BRD7: variants seen among roughly 807,000 people sequenced by gnomAD.
BRD7 encodes the protein bromodomain containing 7.
Under a neutral mutation model 82.1 loss-of-function variants are expected in BRD7, and 15 were observed. The observed-to-expected ratio is 0.18, with a 90% CI of 0.12 to 0.28. The LOEUF (loss-of-function observed/expected upper bound fraction) is 0.28. BRD7 is among the 10% of genes least tolerant of loss of function. The probability of loss-of-function intolerance (pLI) is 1.00; values close to 1 mark genes in which losing one functional copy is unlikely to be tolerated. For missense variants in BRD7, 638 were observed against 779.9 expected (o/e 0.82, Z 2.17); for synonymous variants, 232 against 266.9 (o/e 0.87, Z 1.27).
intron 12 of BRD7, among the ~76,000 whole-genome samples, chr16:50,323,142 G>C (rs1046432054): frequency 6.6e-6 from 1 of 152,210 alleles, no homozygotes; most frequent in African/African-American, 2.4e-5. Flanking sequence ...AACTGAACTA[G>C]AGATAGCTTA....
intron 5 of BRD7, 121 bp from the exon 6 acceptor site, chr16:50,340,207 C>T: frequency 2.0e-6 from 1 of 489,706 alleles, no homozygotes; most frequent in South Asian, 3.4e-5. Context: ...TCTTTATTTA[C>T]TAAACAATAC....
chr16:50,323,599 T>C lies in BRD7; in HGVS notation c.1431A>G (p.Gln477=). 1 of 1,609,812 alleles carries C rather than the reference T, an allele frequency of 6.2e-7. No individual in the cohort carries two copies. ...LTKGGHSRTL[Q]EMEMSLPEDE... ...GCAGTGTTCTTACCATCTCCATCTC[T>C]TGTAGGGTCCTGGAATGCCCTCCTT... The change falls in exon 12 of 17, where the codon CAA becomes CAG. Residue 477 remains glutamine (Q), a synonymous_variant. Transcript: ENST00000394688.
intron 5 of BRD7, chr16:50,349,582 T>A (rs754045447): frequency 2.1e-6 from 1 of 470,416 alleles, no homozygotes; most frequent in African/African-American, 2.0e-5. Context: ...TGTGAGTTAA[T>A]CAAAGCTCTT....
Position 50,333,766 on chromosome 16 carries a change from T to G in BRD7, c.888-69A>C. On this transcript the variant is annotated intron_variant, in intron 7 of 16. Transcript: ENST00000394688. Reference sequence around the variant, plus strand: ...AGTAAGATGAAAACATTCAAATGAATTCTAAATATGAATACAACTAAAGTG... The same window carrying G: ...AGTAAGATGAAAACATTCAAATGAAGTCTAAATATGAATACAACTAAAGTG... The G allele has an allele frequency of 2.3e-6, 3 of 1,287,776 alleles. No individual in the cohort carries two copies. The South Asian group carries it at 4.1e-5, about 17-fold the overall frequency. The allele number at this position is 1,287,776 out of a possible 1,614,324, so 79.8% of individuals were successfully genotyped here.
intron 5 of BRD7, among the ~76,000 whole-genome samples, chr16:50,348,849 G>A (rs553635374): frequency 2.0e-3 from 306 of 152,280 alleles, no homozygotes; most frequent in Non-Finnish European, 3.0e-3. Context: ...ACAGTGTGGC[G>A]ATTCCTCAAG....
chr16:50,366,088 A>C (rs2039132420), intron 2 of BRD7, among the ~76,000 whole-genome samples: 1 of 152,350 alleles, frequency 6.6e-6, no homozygotes, highest in East Asian at 1.9e-4. Flanking sequence ...CCAGAAAACA[A>C]CAAAGCAATG....
intron 2 of BRD7, among the ~76,000 whole-genome samples, chr16:50,363,641 TTGTGTG>T (rs374792308): frequency 8.0e-5 from 12 of 149,174 alleles, no homozygotes; most frequent in Non-Finnish European, 1.3e-4. Flanking sequence ...CGTTGTGTGT[TTGTGTG>T]TGTGTGTGTG....
intron 13 of BRD7, among the ~76,000 whole-genome samples, chr16:50,321,015 T>A (rs1031308641): frequency 6.6e-6 from 1 of 152,262 alleles, no homozygotes; most frequent in African/African-American, 2.4e-5. Flanking sequence ...TAATGATGTA[T>A]CTTATACAAT....
At chr16:50,351,295 G>C (rs1270376157) in intron 4 of BRD7, among the ~76,000 whole-genome samples, 1 of 152,198 alleles carries the variant, frequency 6.6e-6, no homozygotes, top group Non-Finnish European at 1.5e-5. Flanking sequence ...TAAAAGAGTA[G>C]AAATCTGACT....
intron 13 of BRD7, 77 bp from the exon 14 acceptor site, chr16:50,320,851 G>T: frequency 2.0e-6 from 2 of 984,894 alleles, no homozygotes; most frequent in South Asian, 1.3e-5. Context: ...TACTCAGATG[G>T]CATGTATTTA....
At chr16:50,356,305 A>C (rs2038729180) in intron 2 of BRD7, among the ~76,000 whole-genome samples, 2 of 152,230 alleles carry the variant, frequency 1.3e-5, no homozygotes, top group South Asian at 4.1e-4. Flanking sequence ...ATACCAGAGA[A>C]ATTTCCTGTC....
At chr16:50,334,575 G>A (rs1161316213) in intron 7 of BRD7, 136 bp downstream of exon 7, 6 of 970,670 alleles carry the variant, frequency 6.2e-6, no homozygotes, top group Non-Finnish European at 9.2e-6. Flanking sequence ...CCATCAAAAT[G>A]GACTTTCATG....
At position 50,316,617 on chromosome 16, in the gene BRD7, G is replaced by GC. The variant is rs2036812333; in HGVS notation, c.*2593dup. 2 of 152,298 alleles carry GC rather than the reference G, an allele frequency of 1.3e-5. No homozygotes were observed. Among genetic ancestry groups the GC allele is most frequent in the African/African-American group, 4.8e-5 (2 of 41,418 alleles). The allele number at this position is 152,298 out of a possible 1,614,324, so 9.4% of individuals were successfully genotyped here. On this transcript the variant is annotated 3_prime_UTR_variant, in exon 17 of 17. Transcript: ENST00000394688. ...AGAGGCTCCTGGATCTGGGAAGCCCGCCCCCTCACAAATGCTGAGCCGTTC... is the reference window on the plus strand; with the variant it reads ...AGAGGCTCCTGGATCTGGGAAGCCCGCCCCCCTCACAAATGCTGAGCCGTTC...
At chr16:50,324,803 T>G (rs528619621) in intron 11 of BRD7, among the ~76,000 whole-genome samples, 1 of 152,342 alleles carries the variant, frequency 6.6e-6, no homozygotes, top group African/African-American at 2.4e-5. Context: ...GCATGGGCCT[T>G]TGCCAGTGTT....
chr16:50,354,798 T>G lies in BRD7; in HGVS notation c.383A>C (p.Gln128Pro). Residue 128 changes from glutamine (Q) to proline (P), a missense_variant, in exon 3 of 17, where the codon CAA becomes CCA. Gln to Pro is a moderately conservative substitution (Grantham distance 76). Coordinates refer to ENST00000394688, the MANE Select transcript of BRD7 (RefSeq NM_013263.5). ...TAATTCAGAGTTATTCCAACCTTCT[T>G]GTTTGGCTAAAGAGCTTGTGAGAGG... is the stretch of plus-strand genomic sequence containing the variant. The part of the protein sequence containing the change: ...EKPLTSSLAK[Q>P]EEVEQTPLQE... 1.9e-6 allele frequency: 3 copies of G among 1,611,000 alleles called. No homozygotes were observed. In the South Asian group the frequency reaches 3.3e-5, roughly 18 times the overall value.
rs1239835114 is a variant in BRD7 at position 50,354,874 on chromosome 16, T to C, written c.307A>G (p.Lys103Glu). Residue 103 changes from lysine (K) to glutamate (E), a missense_variant, in exon 3 of 17, where the codon AAA becomes GAA. Coordinates refer to ENST00000394688, the MANE Select transcript of BRD7 (RefSeq NM_013263.5). ...ACAGGGGCGTGACACTGGAGATCTT[T>C]TTCTGCCTCATTCTCCACCCGGTCT... ...DRDRVENEAE[K>E]DLQCHAPVRL... 4 of 1,613,756 alleles carry C rather than the reference T, an allele frequency of 2.5e-6. No homozygotes were observed.
intron 13 of BRD7, among the ~76,000 whole-genome samples, chr16:50,321,192 T>C (rs546348372): frequency 1.3e-5 from 2 of 152,306 alleles, no homozygotes; most frequent in East Asian, 3.9e-4. Context: ...GCATTCCTAT[T>C]GATACACTTC....
intron 8 of BRD7, among the ~76,000 whole-genome samples, chr16:50,331,853 G>A (rs973074186): frequency 3.9e-5 from 6 of 152,094 alleles, no homozygotes; most frequent in African/African-American, 1.4e-4. Context: ...ACATACAACC[G>A]ACTGATCTTT....
chr16:50,364,515 C>T (rs2039062745), intron 2 of BRD7, among the ~76,000 whole-genome samples: 1 of 152,206 alleles, frequency 6.6e-6, no homozygotes, highest in Non-Finnish European at 1.5e-5. Context: ...AAATAGAAAC[C>T]ATCCCCCTAC....
Sources: allele counts gnomAD v4.1 joint callset (sites outside exome capture counted in the v4.1 genomes callset), GRCh38; gene constraint gnomAD v4.1.1; transcripts MANE v1.5; gene names NCBI Gene and HGNC (gene_info 2026-07-23, HGNC 2026-07-21).